MIPOL1: variants seen among roughly 807,000 people sequenced by gnomAD.
MIPOL1 encodes the protein mirror-image polydactyly 1.
Under a neutral mutation model 60.9 loss-of-function variants are expected in MIPOL1, and 57 were observed. The ratio of observed to expected loss-of-function variants is 0.94; its 90% CI spans 0.76 to 1.17. The LOEUF (loss-of-function observed/expected upper bound fraction) is 1.17, where lower values mean the gene tolerates loss of function less well. Ranked by LOEUF, MIPOL1 falls within the 50% of genes most tolerant of loss-of-function variation. The pLI is 0.00. For missense variants in MIPOL1, 551 were observed against 511.6 expected (o/e 1.08, Z -0.74); for synonymous variants, 179 against 168.8 (o/e 1.06, Z -0.47).
intron 1 of MIPOL1, among the ~76,000 whole-genome samples, chr14:37,226,532 G>C (rs1355943448): frequency 1.3e-5 from 2 of 152,232 alleles, no homozygotes; most frequent in African/African-American, 4.8e-5. Context: ...CACGAGAACA[G>C]TATGGGGGAA....
At chr14:37,282,303 G>A (rs540681150) in intron 6 of MIPOL1, among the ~76,000 whole-genome samples, 7 of 151,302 alleles carry the variant, frequency 4.6e-5, no homozygotes, top group East Asian at 3.9e-4. Flanking sequence ...GTGCAATGGC[G>A]TGATATCGGC....
intron 1 of MIPOL1, among the ~76,000 whole-genome samples, chr14:37,238,442 A>G (rs1971826882): frequency 6.6e-6 from 1 of 152,150 alleles, no homozygotes; most frequent in South Asian, 2.1e-4. Context: ...CTCAGGAGGC[A>G]TATAATGTTT....
chr14:37,250,513 C>T (rs992547477), intron 3 of MIPOL1, among the ~76,000 whole-genome samples: 3 of 152,106 alleles, frequency 2.0e-5, no homozygotes, highest in African/African-American at 7.2e-5. Flanking sequence ...TGCCATCACA[C>T]TCCAGTCTGG....
At chr14:37,484,023 A>G (rs934189078) in intron 11 of MIPOL1, among the ~76,000 whole-genome samples, 4 of 152,240 alleles carry the variant, frequency 2.6e-5, no homozygotes, top group Admixed American at 6.5e-5. Context: ...CAACCTAAGT[A>G]TCAGTACCAT....
intron 7 of MIPOL1, among the ~76,000 whole-genome samples, chr14:37,291,049 T>A (rs1469038733): frequency 6.6e-6 from 1 of 152,188 alleles, no homozygotes; most frequent in Non-Finnish European, 1.5e-5. Flanking sequence ...GATCTTGTGC[T>A]TTTTTATGGT....
intron 1 of MIPOL1, among the ~76,000 whole-genome samples, chr14:37,226,464 C>G (rs766351404): frequency 7.2e-5 from 11 of 152,180 alleles, no homozygotes; most frequent in Non-Finnish European, 8.8e-5. Flanking sequence ...CAGTGAGAGC[C>G]AAGCAATAGG....
intron 12 of MIPOL1, among the ~76,000 whole-genome samples, chr14:37,515,237 T>C (rs888624007): frequency 6.6e-6 from 1 of 151,842 alleles, no homozygotes; most frequent in African/African-American, 2.4e-5. Flanking sequence ...TTCAGTGTTA[T>C]ACATTCTTGA....
intron 9 of MIPOL1, among the ~76,000 whole-genome samples, chr14:37,360,302 C>T (rs1163403701): frequency 6.6e-6 from 1 of 152,142 alleles, no homozygotes; most frequent in African/African-American, 2.4e-5. Flanking sequence ...GTGTCTCTGC[C>T]ACGCTTTGGT....
intron 9 of MIPOL1, among the ~76,000 whole-genome samples, chr14:37,362,219 ATTTGGCATGT>A (rs532941529): frequency 0.01 from 1,572 of 152,218 alleles, 12 homozygotes; most frequent in Non-Finnish European, 0.017. Context: ...GGTCTTTACA[ATTTGGCATGT>A]TTTTGCAGTG....
intron 9 of MIPOL1, among the ~76,000 whole-genome samples, chr14:37,358,575 C>G (rs557612412): frequency 6.6e-6 from 1 of 152,190 alleles, no homozygotes; most frequent in Non-Finnish European, 1.5e-5. Context: ...ATTTGCATTT[C>G]TCTGATGACC....
intron 7 of MIPOL1, among the ~76,000 whole-genome samples, chr14:37,286,858 C>T (rs2084610498): frequency 6.6e-6 from 1 of 152,096 alleles, no homozygotes; most frequent in Non-Finnish European, 1.5e-5. Flanking sequence ...AATATTATTT[C>T]AAATATTTTC....
At chr14:37,337,525 C>T (rs998125531) in intron 9 of MIPOL1, among the ~76,000 whole-genome samples, 2 of 150,280 alleles carry the variant, frequency 1.3e-5, no homozygotes, top group African/African-American at 2.4e-5. Context: ...CCCACCACCA[C>T]GCCTGGCTAA....
At chr14:37,295,836 C>A (rs1594966835) in intron 7 of MIPOL1, among the ~76,000 whole-genome samples, 5 of 152,104 alleles carry the variant, frequency 3.3e-5, no homozygotes, top group Admixed American at 3.3e-4. Flanking sequence ...ATGACTTAGA[C>A]CCCCACACAG....
rs144900965 is a variant in MIPOL1 at position 37,435,155 on chromosome 14, C to T, written c.1031+12206C>T. ...TACTTATAAAATGGATGTTTGTACA[C>T]GTATACATATACTCTGGCCCCTGGC... On this transcript the variant is annotated intron_variant, in intron 11 of 12. Transcript: ENST00000684589. Among the ~76,000 whole-genome samples the T allele has an allele frequency of 1.3e-3, 203 of 152,220 alleles. 2 individuals carry two copies. Among genetic ancestry groups the T allele is most frequent in the Admixed American group, 5.2e-4 (8 of 15,282 alleles).
At chr14:37,326,145 T>C (rs1188177943) in intron 9 of MIPOL1, among the ~76,000 whole-genome samples, 2 of 152,044 alleles carry the variant, frequency 1.3e-5, no homozygotes, top group African/African-American at 4.8e-5. Context: ...TGATACAGAG[T>C]ACATATGTTA....
chr14:37,330,552 T>C lies in MIPOL1; in HGVS notation c.828+22033T>C, dbSNP rs117984979. 2.6e-3 allele frequency among the ~76,000 whole-genome samples: 401 copies of C among 152,270 alleles called. 1 individual carries two copies. The highest frequency in any genetic ancestry group is 4.4e-3 in the Non-Finnish European group (296 of 67,990). On this transcript the variant is annotated intron_variant, in intron 9 of 12. Transcript: ENST00000684589. ...ACATTAAATATGAGATATAATAGCC[T>C]TTATGTTTGGATTACCATTTCCTCT...
chr14:37,338,400 G>A (rs10141961), intron 9 of MIPOL1, among the ~76,000 whole-genome samples: 100,131 of 146,674 alleles, frequency 0.68, 33,303 homozygotes, highest in African/African-American at 0.7. Context: ...GTGAACCACC[G>A]CGCCTGGCCC....
intron 11 of MIPOL1, among the ~76,000 whole-genome samples, chr14:37,479,434 C>G (rs547606142): frequency 1.3e-5 from 2 of 152,088 alleles, no homozygotes; most frequent in East Asian, 3.9e-4. Context: ...TAACATGCTC[C>G]TGAACAACCA....
At chr14:37,524,163 A>C (rs962589318) in intron 12 of MIPOL1, among the ~76,000 whole-genome samples, 12 of 152,144 alleles carry the variant, frequency 7.9e-5, no homozygotes, top group African/African-American at 2.7e-4. Flanking sequence ...TCCGGGATAT[A>C]TTCTGATTTG....
Sources: gnomAD v4.1 joint callset for allele counts (sites outside exome capture counted in the v4.1 genomes callset) on GRCh38, gnomAD v4.1.1 for gene constraint, MANE v1.5 for transcripts, NCBI Gene and HGNC (gene_info 2026-07-23, HGNC 2026-07-21) for gene names.